Variants in ADGRL3 observed in about 807,000 individuals in gnomAD.
ADGRL3 encodes adhesion G protein-coupled receptor L3, also known as calcium-independent alpha-latrotoxin receptor 3.
ADGRL3 carries 62 observed loss-of-function variants against 153.5 expected under a neutral mutation model. That is an observed-to-expected ratio of 0.40 (90% CI 0.33 to 0.50). ADGRL3 has a LOEUF of 0.50. Ranked by LOEUF, ADGRL3 falls within the 20% of genes least tolerant of loss-of-function variation. ADGRL3 has a pLI of 0.47. For missense variants in ADGRL3, 1,641 were observed against 1,859.4 expected, an observed-to-expected ratio of 0.88 and a Z score of 2.16; for synonymous variants, 710 against 672.5, an observed-to-expected ratio of 1.06 and a Z score of -0.86.
In ADGRL3 at chr4:61,200,463, A is replaced by G. The variant is rs1432756961; in HGVS notation, c.-1542A>G. On this transcript the variant is annotated 5_prime_UTR_variant, in exon 1 of 27. Coordinates refer to ENST00000683033, the MANE Select transcript of ADGRL3 (RefSeq NM_001387552.1). Reference sequence around the variant, plus strand: ...CCCGGCACCGCTCGCTCCAGTTCCCAGGAGCGGGGATGCAGATGCTGCAGC... The same window carrying G: ...CCCGGCACCGCTCGCTCCAGTTCCCGGGAGCGGGGATGCAGATGCTGCAGC... Among the ~76,000 whole-genome samples, 1 of 150,916 alleles carries G rather than the reference A, an allele frequency of 6.6e-6. No homozygotes were observed. The highest frequency in any genetic ancestry group is 1.5e-5 in the Non-Finnish European group (1 of 67,724).
intron 2 of ADGRL3, among the ~76,000 whole-genome samples, chr4:61,482,474 A>G (rs1011069123): frequency 3.3e-5 from 5 of 152,178 alleles, no homozygotes; most frequent in Admixed American, 3.3e-4. Flanking sequence ...ATCTTTCTGT[A>G]CAATTTGCCA....
In ADGRL3 at chr4:61,979,560, C is replaced by T; in HGVS notation, c.2806-3C>T. ...ACTTATGGCTTTTTCATTGTGTTTCCAGCACAGTGATGCGGTCCATGACCT... is the reference window on the plus strand; with the variant it reads ...ACTTATGGCTTTTTCATTGTGTTTCTAGCACAGTGATGCGGTCCATGACCT... On this transcript the variant is annotated splice_region_variant and splice_polypyrimidine_tract_variant and intron_variant, in intron 17 of 26. Transcript: ENST00000683033. 1 of 1,613,052 alleles carries T rather than the reference C, an allele frequency of 6.2e-7. No individual in the cohort carries two copies. Among genetic ancestry groups the T allele is most frequent in the South Asian group, 1.1e-5 (1 of 91,050 alleles).
chr4:61,997,129 T>G (rs1217607633), intron 20 of ADGRL3, among the ~76,000 whole-genome samples: 2 of 152,096 alleles, frequency 1.3e-5, no homozygotes, highest in Non-Finnish European at 2.9e-5. Flanking sequence ...GTACATATAT[T>G]GCGTAATACA....
At chr4:61,811,563 A>C (rs1050320808) in intron 8 of ADGRL3, among the ~76,000 whole-genome samples, 1 of 152,088 alleles carries the variant, frequency 6.6e-6, no homozygotes, top group Non-Finnish European at 1.5e-5. Flanking sequence ...AATTGGTTGT[A>C]GTGTTTGCAT....
At chr4:61,879,450 C>T (rs527426811) in intron 9 of ADGRL3, among the ~76,000 whole-genome samples, 2 of 152,266 alleles carry the variant, frequency 1.3e-5, no homozygotes, top group East Asian at 3.9e-4. Flanking sequence ...GTTTTATAGT[C>T]ACCTTACACA....
chr4:62,063,683 T>G (rs1353033892), intron 25 of ADGRL3: 2 of 619,200 alleles, frequency 3.2e-6, no homozygotes, highest in East Asian at 5.7e-5. Flanking sequence ...CCATTTTATG[T>G]AGGTTTTATG....
intron 21 of ADGRL3, among the ~76,000 whole-genome samples, chr4:62,005,832 C>A (rs2099155437): frequency 6.6e-6 from 1 of 150,386 alleles, no homozygotes; most frequent in African/African-American, 2.4e-5. Context: ...AATGTATGAA[C>A]TTTGATTTGA....
chr4:61,354,122 C>G (rs1343182884), intron 1 of ADGRL3, among the ~76,000 whole-genome samples: 1 of 152,182 alleles, frequency 6.6e-6, no homozygotes, highest in Non-Finnish European at 1.5e-5. Flanking sequence ...TGTATAAACT[C>G]ATTTAATCTT....
intron 2 of ADGRL3, among the ~76,000 whole-genome samples, chr4:61,444,889 TA>T (rs995142410): frequency 1.3e-5 from 2 of 151,702 alleles, no homozygotes; most frequent in Admixed American, 6.6e-5. Flanking sequence ...CTTGTCCCTA[TA>T]AAAAATACAA....
intron 11 of ADGRL3, among the ~76,000 whole-genome samples, chr4:61,907,447 C>T (rs1374378132): frequency 2.0e-5 from 3 of 151,880 alleles, no homozygotes; most frequent in Non-Finnish European, 4.4e-5. Flanking sequence ...TCACTAGAGA[C>T]AGGGTTTCAC....
chr4:61,848,707 TCTTA>T (rs1357376720), intron 9 of ADGRL3, among the ~76,000 whole-genome samples: 1 of 152,180 alleles, frequency 6.6e-6, no homozygotes, highest in Non-Finnish European at 1.5e-5. Flanking sequence ...CAATAATATT[TCTTA>T]CTTCTGGGTT....
intron 4 of ADGRL3, among the ~76,000 whole-genome samples, chr4:61,550,017 C>G (rs1325386049): frequency 6.6e-6 from 1 of 151,830 alleles, no homozygotes; most frequent in African/African-American, 2.4e-5. Context: ...TTAATATACT[C>G]AAATGCAGCA....
At chr4:61,780,258 G>T (rs2097199456) in intron 8 of ADGRL3, among the ~76,000 whole-genome samples, 1 of 152,300 alleles carries the variant, frequency 6.6e-6, no homozygotes, top group East Asian at 1.9e-4. Flanking sequence ...GGATGGACAT[G>T]TCCCTCACAG....
At chr4:61,869,996 G>C (rs1198916187) in intron 9 of ADGRL3, among the ~76,000 whole-genome samples, 1 of 123,540 alleles carries the variant, frequency 8.1e-6, no homozygotes, top group Admixed American at 9.2e-5. Flanking sequence ...GAGAGGGAGA[G>C]AGAGAGAGAG....
At chr4:61,412,815 T>G (rs2097103248) in intron 2 of ADGRL3, among the ~76,000 whole-genome samples, 1 of 152,210 alleles carries the variant, frequency 6.6e-6, no homozygotes, top group African/African-American at 2.4e-5. Flanking sequence ...TTCTATCATT[T>G]GTTTTCATGC....
chr4:61,814,772 C>A (rs2097669538), intron 9 of ADGRL3, among the ~76,000 whole-genome samples: 1 of 151,990 alleles, frequency 6.6e-6, no homozygotes, highest in South Asian at 2.1e-4. Flanking sequence ...ATTTCAAGGC[C>A]CTCCTCTATA....
intron 8 of ADGRL3, among the ~76,000 whole-genome samples, chr4:61,778,636 G>A (rs1448879608): frequency 1.3e-5 from 2 of 152,192 alleles, no homozygotes; most frequent in African/African-American, 2.4e-5. Context: ...GGAAGGAATA[G>A]GTGGGTATAT....
rs188180076 is a variant in ADGRL3, at chr4:61,495,881, A to G, written c.-173-1240A>G. ...TGAGCATTCAATTAACCTCTGTTGA[A>G]TGAATGATGTTCGAACTGCATTTTA... is the stretch of plus-strand genomic sequence containing the variant. On this transcript the variant is annotated intron_variant, in intron 2 of 26. Coordinates refer to ENST00000683033, the MANE Select transcript of ADGRL3 (RefSeq NM_001387552.1). Among the ~76,000 whole-genome samples, 987 of 152,310 alleles carry G rather than the reference A, an allele frequency of 6.5e-3. 13 individuals carry two copies. Among genetic ancestry groups the G allele is most frequent in the Admixed American group, 0.027 (419 of 15,298 alleles).
At chr4:61,491,610 G>A (rs970045407) in intron 2 of ADGRL3, among the ~76,000 whole-genome samples, 2 of 152,042 alleles carry the variant, frequency 1.3e-5, no homozygotes, top group African/African-American at 2.4e-5. Context: ...TGTAGACACA[G>A]GGTGTTGCTT....
Sources: allele counts gnomAD v4.1 joint callset (sites outside exome capture counted in the v4.1 genomes callset), GRCh38; gene constraint gnomAD v4.1.1; transcripts MANE v1.5; gene names NCBI Gene and HGNC (gene_info 2026-07-23, HGNC 2026-07-21).